Variants in GPA33 observed in about 807,000 individuals in gnomAD.
GPA33 encodes cell surface A33 antigen.
A neutral mutation model predicts 35.6 loss-of-function variants in GPA33; 27 were observed. The observed-to-expected ratio is 0.76, with a 90% CI of 0.56 to 1.04. The LOEUF is 1.04. Ranked by LOEUF, GPA33 falls within the 50% of genes least tolerant of loss-of-function variation. The pLI is 0.00. For synonymous variants in GPA33, 176 were observed against 164.0 expected, an observed-to-expected ratio of 1.07 and a Z score of -0.56; for missense variants, 428 against 411.9, an observed-to-expected ratio of 1.04 and a Z score of -0.34.
At chr1:167,086,110 G>C (rs900488204) in intron 1 of GPA33, among the ~76,000 whole-genome samples, 4 of 152,234 alleles carry the variant, frequency 2.6e-5, no homozygotes, top group African/African-American at 9.6e-5. Flanking sequence ...TGAGACTAGA[G>C]TAGGACATTT....
In GPA33 at chr1:167,073,368, T is replaced by C; in HGVS notation, c.198+17A>G. 6.2e-7 allele frequency: 1 copy of C among 1,610,232 alleles called. No homozygotes were observed. Among genetic ancestry groups the C allele is most frequent in the Non-Finnish European group, 8.5e-7 (1 of 1,176,774 alleles). ...ATAATCATTCCCATGTTGCCTGAACTTGTAAAGTATCCTTACCGTATGAGT... is the reference window on the plus strand; with the variant it reads ...ATAATCATTCCCATGTTGCCTGAACCTGTAAAGTATCCTTACCGTATGAGT... On this transcript the variant is annotated intron_variant, in intron 2 of 6. Coordinates refer to ENST00000367868, the MANE Select transcript of GPA33 (RefSeq NM_005814.3).
At chr1:167,064,587 G>C (rs1402769782) in intron 3 of GPA33, among the ~76,000 whole-genome samples, 1 of 152,202 alleles carries the variant, frequency 6.6e-6, no homozygotes, top group African/African-American at 2.4e-5. Flanking sequence ...AGGCTTCGCA[G>C]ACTACATATT....
chr1:167,079,342 A>C (rs1666880479), intron 1 of GPA33, among the ~76,000 whole-genome samples: 1 of 152,098 alleles, frequency 6.6e-6, no homozygotes, highest in Admixed American at 6.5e-5. Flanking sequence ...AACTACAAAA[A>C]TTAGCCAGGT....
chr1:167,055,178 G>A, intron 5 of GPA33, 67 bp from the exon 6 acceptor site: 1 of 1,542,070 alleles, frequency 6.5e-7, no homozygotes, highest in Non-Finnish European at 8.9e-7. Context: ...CTCCCAGCCA[G>A]GGGAGCAGCA....
chr1:167,057,344 A>G (rs1049668748), intron 4 of GPA33, among the ~76,000 whole-genome samples: 2 of 151,866 alleles, frequency 1.3e-5, no homozygotes, highest in Admixed American at 6.5e-5. Context: ...ATGCTTTGTT[A>G]TAACTGCTAT....
intron 4 of GPA33, among the ~76,000 whole-genome samples, chr1:167,062,283 A>G (rs1319105915): frequency 6.6e-6 from 1 of 151,656 alleles, no homozygotes; most frequent in Non-Finnish European, 1.5e-5. Flanking sequence ...TGGTGTGATC[A>G]TGGCTCACTG....
intron 1 of GPA33, among the ~76,000 whole-genome samples, chr1:167,079,484 CA>C (rs59745946): frequency 0.14 from 10,440 of 75,480 alleles, 685 homozygotes; most frequent in African/African-American, 0.3. Context: ...ACTCCGTCTC[CA>C]AAAAAAAAAA....
At chr1:167,056,599 GTGGTGTGTGT>G (rs1666266720) in intron 4 of GPA33, among the ~76,000 whole-genome samples, 2 of 90 alleles carry the variant, frequency 0.022, no homozygotes, top group African/African-American at 0.1. Flanking sequence ...ATGTGTGTAT[GTGGTGTGTGT>G]AGTGTGTGTG....
chr1:167,078,557 G>T (rs1666868166), intron 1 of GPA33: 1 of 152,198 alleles, frequency 6.6e-6, no homozygotes, highest in Admixed American at 6.5e-5. Flanking sequence ...TTCCAAGGAG[G>T]GCAATATACT....
At chr1:167,077,578 G>A (rs995612240) in intron 1 of GPA33, among the ~76,000 whole-genome samples, 2 of 152,102 alleles carry the variant, frequency 1.3e-5, no homozygotes. Flanking sequence ...TGCACAGTTG[G>A]TCCCCAAAAC....
chr1:167,068,842 T>TC lies in GPA33; in HGVS notation c.415+79dup. 2.8e-6 allele frequency: 3 copies of TC among 1,087,696 alleles called. No homozygotes were observed. The South Asian group carries it at 4.2e-5, about 15-fold the overall frequency. The allele number at this position is 1,087,696 out of a possible 1,614,324, so 67.4% of individuals were successfully genotyped here. On this transcript the variant is annotated intron_variant, in intron 3 of 6. Coordinates refer to ENST00000367868, the MANE Select transcript of GPA33 (RefSeq NM_005814.3). The stretch of plus-strand genomic sequence containing the variant: ...CCTTGTTGCTGCCTCTGGCTTCGTC[T>TC]CAACACCTGGGCTCTTCTCCCTGTG...
chr1:167,061,513 A>C (rs1025269882), intron 4 of GPA33, among the ~76,000 whole-genome samples: 1 of 151,412 alleles, frequency 6.6e-6, no homozygotes, highest in African/African-American at 2.4e-5. Flanking sequence ...ATACGTAAAC[A>C]CAACTGGAAG....
At chr1:167,070,061 G>T (rs1666686077) in intron 2 of GPA33, among the ~76,000 whole-genome samples, 1 of 152,176 alleles carries the variant, frequency 6.6e-6, no homozygotes, top group Non-Finnish European at 1.5e-5. Context: ...GGCTTCCTAG[G>T]AGAGGTGACA....
At chr1:167,056,856 G>GGT (rs1203975278) in intron 4 of GPA33, among the ~76,000 whole-genome samples, 3 of 24,352 alleles carry the variant, frequency 1.2e-4, no homozygotes, top group African/African-American at 4.7e-4. Context: ...TAATGTGTGT[G>GGT]GTGTGTGTGT....
intron 4 of GPA33, among the ~76,000 whole-genome samples, chr1:167,058,022 A>G (rs1052602564): frequency 1.3e-5 from 2 of 152,148 alleles, no homozygotes; most frequent in African/African-American, 4.8e-5. Context: ...AACACAGTGA[A>G]ACCCCGTCTC....
At chr1:167,054,867 G>C in intron 6 of GPA33, 109 bp downstream of exon 6, 1 of 1,238,218 alleles carries the variant, frequency 8.1e-7, no homozygotes. Context: ...ACAAAATGGG[G>C]GTGATATACC....
intron 4 of GPA33, among the ~76,000 whole-genome samples, chr1:167,062,306 C>A (rs1243467092): frequency 6.6e-6 from 1 of 151,998 alleles, no homozygotes; most frequent in East Asian, 1.9e-4. Flanking sequence ...GCCTCGACCT[C>A]CAGAGCTTAA....
Position 167,069,007 on chromosome 1 carries a change from AG to A in GPA33, c.329del (p.Ala110ValfsTer12). 6.2e-7 allele frequency: 1 copy of A among 1,614,098 alleles called. No individual in the cohort carries two copies. Among genetic ancestry groups the A allele is most frequent in the Non-Finnish European group, 8.5e-7 (1 of 1,179,962 alleles). On this transcript the variant is annotated frameshift_variant, in exon 3 of 7. Transcript: ENST00000367868. LOFTEE classifies it high-confidence loss of function. ...CAGAACACTCGTAGGTGCCGTTGTC[AG>A]CCATGGTCAGCTGATCAATGGTGAT... ...ASITIDQLTM[A>X]DNGTYECSVS...
At chr1:167,082,006 A>G (rs1318287541) in intron 1 of GPA33, among the ~76,000 whole-genome samples, 2 of 152,158 alleles carry the variant, frequency 1.3e-5, no homozygotes, top group African/African-American at 4.8e-5. Context: ...TAAGGGAGTG[A>G]GGTGTGTAGG....
Sources: gnomAD v4.1 joint callset for allele counts (sites outside exome capture counted in the v4.1 genomes callset) on GRCh38, gnomAD v4.1.1 for gene constraint, MANE v1.5 for transcripts, NCBI Gene and HGNC (gene_info 2026-07-23, HGNC 2026-07-21) for gene names.